Variants in VWF observed in about 807,000 individuals in gnomAD.
VWF encodes von Willebrand factor.
A neutral mutation model predicts 308.6 loss-of-function variants in VWF; 176 were observed. That is an observed-to-expected ratio of 0.57 (90% CI 0.50 to 0.65). VWF has a LOEUF of 0.65. VWF is among the 30% of genes least tolerant of loss of function. The probability of loss-of-function intolerance (pLI) is 0.00; values close to 1 mark genes in which losing one functional copy is unlikely to be tolerated. For synonymous variants in VWF, 1,385 were observed against 1,443.4 expected, an observed-to-expected ratio of 0.96 and a Z score of 0.92; for missense variants, 3,146 against 3,648.2, an observed-to-expected ratio of 0.86 and a Z score of 3.55.
chr12:5,967,644 CA>C, intron 46 of VWF, 42 bp from the exon 47 acceptor site: 9 of 1,561,042 alleles, frequency 5.8e-6, no homozygotes, highest in Non-Finnish European at 7.0e-6. Flanking sequence ...CAGCATCCCC[CA>C]ACCCCCCACT....
chr12:5,964,266 A>G (rs77610348), intron 47 of VWF, among the ~76,000 whole-genome samples: 3,644 of 142,784 alleles, frequency 0.026, 73 homozygotes, highest in South Asian at 0.056. Flanking sequence ...ATACATACAT[A>G]CATACATGCA....
chr12:5,994,076 C>T lies in VWF; in HGVS notation c.6384G>A (p.Glu2128=). ...RPGQTCQPIL[E]EQCLVPDSSH... ...AGCTGTCGGGGACAAGACACTGCTC[C>T]TCCAGGATGGGCTGGCACGTCTGCC... Residue 2128 remains glutamate (E), a synonymous_variant, in exon 37 of 52, where the codon GAG becomes GAA. Transcript: ENST00000261405. 2 of 1,614,174 alleles carry T rather than the reference C, an allele frequency of 1.2e-6. No individual in the cohort carries two copies. The highest frequency in any genetic ancestry group is 2.2e-5 in the South Asian group (2 of 91,082).
intron 47 of VWF, among the ~76,000 whole-genome samples, chr12:5,962,934 G>A (rs1943336762): frequency 6.6e-6 from 1 of 152,160 alleles, no homozygotes; most frequent in Non-Finnish European, 1.5e-5. Flanking sequence ...CCACTGGATA[G>A]CCACATGGGA....
chr12:6,075,341 C>G lies in VWF; in HGVS notation c.868G>C (p.Ala290Pro), dbSNP rs772006599. The change falls in exon 7 of 52, where the codon GCG becomes CCG. Residue 290 changes from alanine to proline, a missense_variant. This residue lies in a region of VWF where 1,304 missense variants were observed against 1,353.0 expected (regional missense o/e 0.96). Coordinates refer to ENST00000261405, the MANE Select transcript of VWF (RefSeq NM_000552.5). This position sits in a 1 kb window ranked among gnomAD's most constrained non-coding sequence, Gnocchi z 4.7. The part of the protein sequence containing the change: ...MVLYGWTDHS[A>P]CSPVCPAGME... ...GGGCAGGGGGCCGACTTACTGCACG[C>G]GCTGTGGTCGGTCCAGCCGTACAGC... 15 of 1,613,976 alleles carry G rather than the reference C, an allele frequency of 9.3e-6. No individual in the cohort carries two copies. In the East Asian group the frequency reaches 1.3e-4, roughly 14 times the overall value.
At chr12:5,965,533 T>G (rs1361619414) in intron 47 of VWF, among the ~76,000 whole-genome samples, 3 of 152,212 alleles carry the variant, frequency 2.0e-5, no homozygotes, top group African/African-American at 7.2e-5. Context: ...TCATGCTTTC[T>G]TTGAGCAGTC....
chr12:5,964,274 G>GCATGCATACATACATA (rs1591833448), intron 47 of VWF, among the ~76,000 whole-genome samples: 17 of 134,802 alleles, frequency 1.3e-4, no homozygotes, highest in African/African-American at 4.9e-4. Context: ...ATACATACAT[G>GCATGCATACATACATA]CATACATACA....
At chr12:6,108,031 C>T (rs970989889) in intron 5 of VWF, among the ~76,000 whole-genome samples, 5 of 151,904 alleles carry the variant, frequency 3.3e-5, no homozygotes, top group African/African-American at 7.3e-5. Context: ...CGGTGACTCA[C>T]GCCTGTAATC....
intron 44 of VWF, among the ~76,000 whole-genome samples, chr12:5,970,194 T>C (rs1943455862): frequency 6.6e-6 from 1 of 152,122 alleles, no homozygotes; most frequent in Admixed American, 6.6e-5. Context: ...GACTTCTCCC[T>C]CCTCTGATTA....
rs188167635 is a variant in VWF at position 6,023,369 on chromosome 12, C to T, written c.3379+262G>A. Among the ~76,000 whole-genome samples the T allele has an allele frequency of 9.3e-4, 141 of 152,298 alleles. 1 individual carries two copies. Among genetic ancestry groups the T allele is most frequent in the Non-Finnish European group, 1.5e-3 (102 of 68,028 alleles). ...CGACTTCCTTCTTTTCATCAGTATT[C>T]CCTCTTCTCCCCTGCCAGAATCTCT... On this transcript the variant is annotated intron_variant, in intron 25 of 51. Transcript: ENST00000261405.
intron 6 of VWF, among the ~76,000 whole-genome samples, chr12:6,092,076 G>C (rs1945040765): frequency 1.3e-5 from 2 of 152,124 alleles, no homozygotes; most frequent in Non-Finnish European, 2.9e-5. Flanking sequence ...CATGACCATG[G>C]TCCTGGGTAT....
chr12:5,969,570 CCACT>C (rs929262404), intron 44 of VWF, among the ~76,000 whole-genome samples, 179 bp from the exon 45 acceptor site: 18 of 152,354 alleles, frequency 1.2e-4, no homozygotes, highest in Non-Finnish European at 1.5e-4. Context: ...TCAGTGAGCA[CCACT>C]CAAACAGTTT....
intron 18 of VWF, among the ~76,000 whole-genome samples, chr12:6,040,238 GAT>G (rs1944382666): frequency 6.6e-6 from 1 of 152,112 alleles, no homozygotes; most frequent in Non-Finnish European, 1.5e-5. Flanking sequence ...AACTTAAAGA[GAT>G]GGATGCTTCA....
intron 42 of VWF, among the ~76,000 whole-genome samples, chr12:5,976,819 AT>A (rs1943539456): frequency 6.6e-6 from 1 of 152,162 alleles, no homozygotes. Context: ...TCTGGTAGAG[AT>A]GTGGGAAAAC....
chr12:5,953,687 C>T (rs3759320), intron 47 of VWF, 93 bp from the exon 48 acceptor site: 592,444 of 989,646 alleles, frequency 0.6, 185,221 homozygotes, highest in African/African-American at 0.79. Flanking sequence ...TCATCTCTCT[C>T]ATCCAGTAGT....
chr12:6,114,241 G>C (rs1347987714), intron 3 of VWF, among the ~76,000 whole-genome samples: 1 of 152,204 alleles, frequency 6.6e-6, no homozygotes, highest in Non-Finnish European at 1.5e-5. Flanking sequence ...GAATGGGTAG[G>C]GAACGCTTCA....
In VWF at chr12:5,949,143, A is replaced by G. The variant is rs1453219361; in HGVS notation, c.8314T>C (p.Ser2772Pro). ...IDINDVQDQCSCCSPTRTEPM... is the reference protein window; with the variant it reads ...IDINDVQDQCPCCSPTRTEPM... ...TCCGTCCGTGTCGGAGAGCAGCAGGAGCACTGGTCCTGCACATCGTTGATG... is the reference window on the plus strand; with the variant it reads ...TCCGTCCGTGTCGGAGAGCAGCAGGGGCACTGGTCCTGCACATCGTTGATG... Residue 2772 changes from serine to proline, a missense_variant, in exon 52 of 52, where the codon TCC becomes CCC. Physicochemically the swap from Ser to Pro is moderately conservative, Grantham distance 74. This residue lies in a region of VWF where 989 missense variants were observed against 1,117.4 expected (regional missense o/e 0.89). Transcript: ENST00000261405. The G allele has an allele frequency of 6.2e-7, 1 of 1,614,130 alleles. No individual in the cohort carries two copies. Among genetic ancestry groups the G allele is most frequent in the African/African-American group, 1.3e-5 (1 of 74,938 alleles).
intron 22 of VWF, among the ~76,000 whole-genome samples, chr12:6,026,766 G>T (rs548398254): frequency 1.8e-3 from 272 of 152,290 alleles, no homozygotes; most frequent in Non-Finnish European, 2.7e-3. Flanking sequence ...AGCAGACTTT[G>T]AATGTTCCCA....
intron 3 of VWF, 115 bp from the exon 4 acceptor site, chr12:6,111,083 CT>C: frequency 1.1e-6 from 1 of 930,956 alleles, no homozygotes; most frequent in Non-Finnish European, 1.7e-6. Flanking sequence ...CCCAAAAAGT[CT>C]TTACAAGCGA....
Position 6,025,571 on chromosome 12 carries a change from G to C in VWF, c.3222+9C>G, listed in dbSNP as rs1944180717. 1 of 1,490,888 alleles carries C rather than the reference G, an allele frequency of 6.7e-7. No individual in the cohort carries two copies. The highest frequency in any genetic ancestry group is 1.1e-5 in the South Asian group (1 of 88,128). 92.4% of individuals were successfully genotyped at this position (1,490,888 alleles called of 1,614,324 possible). A position where few individuals can be genotyped will look rare whatever the true frequency, so the allele number is the denominator to read the frequency against. ...ACCGTCTGCTTCCCACTACCCTCAA[G>C]GTCCTCACCAGCTTGTTGCAGTCCT... On this transcript the variant is annotated intron_variant, in intron 24 of 51. Transcript: ENST00000261405.
Sources: allele counts gnomAD v4.1 joint callset (sites outside exome capture counted in the v4.1 genomes callset), GRCh38; gene constraint gnomAD v4.1.1; regional missense constraint gnomAD v4.1.1; non-coding constraint Gnocchi (gnomAD v3.1); transcripts MANE v1.5; gene names NCBI Gene and HGNC (gene_info 2026-07-23, HGNC 2026-07-21).